The following CWH43 variants were observed in gnomAD, a reference collection of about 807,000 sequenced individuals.
CWH43 encodes cell wall biogenesis 43 C-terminal homolog.
In CWH43, 91 loss-of-function variants were observed where a neutral mutation model predicts 85.7. The observed-to-expected ratio is 1.06, with a 90% CI of 0.90 to 1.26. The LOEUF (loss-of-function observed/expected upper bound fraction) is 1.26. Ranked by LOEUF, CWH43 falls within the 50% of genes most tolerant of loss-of-function variation. The probability of loss-of-function intolerance (pLI) is 0.00; values close to 1 mark genes in which losing one functional copy is unlikely to be tolerated. For synonymous variants in CWH43, 323 were observed against 293.6 expected (o/e 1.10, Z -1.02); for missense variants, 869 against 839.2 (o/e 1.04, Z -0.44).
intron 9 of CWH43, among the ~76,000 whole-genome samples, chr4:49,028,408 C>G (rs1464395179): frequency 6.6e-6 from 1 of 152,228 alleles, no homozygotes; most frequent in African/African-American, 2.4e-5. Flanking sequence ...TTCAAACATC[C>G]CTCCTAACTT....
At chr4:49,047,991 T>TA (rs1238421674) in intron 14 of CWH43, among the ~76,000 whole-genome samples, 1 of 152,324 alleles carries the variant, frequency 6.6e-6, no homozygotes, top group African/African-American at 2.4e-5. Context: ...TCCAAAGTGT[T>TA]ACGGTAGGAG....
Position 49,030,860 on chromosome 4 carries a change from T to C in CWH43, c.1408T>C (p.Ser470Pro). The change falls in exon 11 of 16, where the codon TCT (serine) becomes CCT (proline). Residue 470 changes from serine (S) to proline (P), a missense_variant. Physicochemically the swap from Ser to Pro is moderately conservative, Grantham distance 74. Transcript: ENST00000226432. The stretch of plus-strand genomic sequence containing the variant: ...CATAACAATTTTGGAGAGTGATGCT[T>C]CTAAGCCCTATATGGGGAACAATGA... The part of the protein sequence containing the change: ...DFITILESDA[S>P]KPYMGNNDLT... 1 of 1,603,616 alleles carries C rather than the reference T, an allele frequency of 6.2e-7. No homozygotes were observed. The highest frequency in any genetic ancestry group is 8.5e-7 in the Non-Finnish European group (1 of 1,176,666).
Position 49,026,156 on chromosome 4 carries a change from C to T in CWH43, c.1267-2473C>T, listed in dbSNP as rs1783909762. Among the ~76,000 whole-genome samples the T allele has an allele frequency of 2.0e-5, 3 of 152,182 alleles. No individual in the cohort carries two copies. The South Asian group carries it at 6.2e-4, about 32-fold the overall frequency. On this transcript the variant is annotated intron_variant, in intron 9 of 15. Coordinates refer to ENST00000226432, the MANE Select transcript of CWH43 (RefSeq NM_025087.3). ...AAAGCCGGCAGCCACAGGCCTCACCCAGCTCTCATGCAACCCACAGCATGA... is the reference window on the plus strand; with the variant it reads ...AAAGCCGGCAGCCACAGGCCTCACCTAGCTCTCATGCAACCCACAGCATGA...
At chr4:48,994,435 T>C (rs747016721) in intron 4 of CWH43, among the ~76,000 whole-genome samples, 184 bp from the exon 5 acceptor site, 1 of 152,268 alleles carries the variant, frequency 6.6e-6, no homozygotes, top group African/African-American at 2.4e-5. Flanking sequence ...CATGGAATTA[T>C]GTCTCCCACT....
chr4:49,003,398 G>A (rs1783055055), intron 6 of CWH43, among the ~76,000 whole-genome samples: 1 of 151,992 alleles, frequency 6.6e-6, no homozygotes, highest in Admixed American at 6.6e-5. Context: ...TAATATTTTT[G>A]GACATATTTT....
chr4:48,998,097 G>T (rs570877867), intron 5 of CWH43, among the ~76,000 whole-genome samples: 12 of 152,052 alleles, frequency 7.9e-5, no homozygotes, highest in Non-Finnish European at 1.6e-4. Context: ...GTAGAGGAAA[G>T]AAAGAAAAAA....
At chr4:49,037,118 C>A (rs1784284980) in intron 12 of CWH43, among the ~76,000 whole-genome samples, 1 of 152,154 alleles carries the variant, frequency 6.6e-6, no homozygotes, top group Non-Finnish European at 1.5e-5. Context: ...GTTTTCCTGG[C>A]TGGATCATGT....
intron 13 of CWH43, among the ~76,000 whole-genome samples, chr4:49,039,758 A>G (rs1054524495): frequency 1.3e-5 from 2 of 151,528 alleles, no homozygotes; most frequent in African/African-American, 2.4e-5. Context: ...TTTTATTATT[A>G]TTATACTTTA....
chr4:49,060,918 G>T (rs1467814522), intron 15 of CWH43, among the ~76,000 whole-genome samples: 2 of 152,066 alleles, frequency 1.3e-5, no homozygotes, highest in African/African-American at 4.8e-5. Context: ...GTGTATATGT[G>T]TGTTTTTGTT....
In CWH43 at chr4:49,048,396, G is replaced by C. The variant is rs530194387; in HGVS notation, c.1866-2298G>C. Among the ~76,000 whole-genome samples, 7 of 150,272 alleles carry C rather than the reference G, an allele frequency of 4.7e-5. No individual in the cohort carries two copies. The East Asian group carries it at 5.9e-4, about 13-fold the overall frequency. ...ACACACACATACATGTACATATAAA[G>C]TATATATATAAAATATGATATCATA... is the stretch of plus-strand genomic sequence containing the variant. On this transcript the variant is annotated intron_variant, in intron 14 of 15. Coordinates refer to ENST00000226432, the MANE Select transcript of CWH43 (RefSeq NM_025087.3).
chr4:49,040,096 T>G lies in CWH43; in HGVS notation c.1803+1916T>G, dbSNP rs1577700112. 2.6e-5 allele frequency among the ~76,000 whole-genome samples: 4 copies of G among 152,332 alleles called. No individual in the cohort carries two copies. In the South Asian group the frequency reaches 6.2e-4, roughly 24 times the overall value. ...GAATTCATCATTTTTTATGGCTGCA[T>G]AGTATTCCATGGTGTATATGTGCCA... On this transcript the variant is annotated intron_variant, in intron 13 of 15. Coordinates refer to ENST00000226432, the MANE Select transcript of CWH43 (RefSeq NM_025087.3).
chr4:49,036,359 AT>A (rs1357620300), intron 12 of CWH43, among the ~76,000 whole-genome samples: 1 of 152,248 alleles, frequency 6.6e-6, no homozygotes, highest in Non-Finnish European at 1.5e-5. Flanking sequence ...TATTAGCCTC[AT>A]TTAAAAATAG....
chr4:49,026,754 C>T (rs1577685425), intron 9 of CWH43, among the ~76,000 whole-genome samples: 2 of 152,134 alleles, frequency 1.3e-5, no homozygotes, highest in African/African-American at 2.4e-5. Context: ...CCATGGTGTA[C>T]ATATATACTA....
intron 12 of CWH43, among the ~76,000 whole-genome samples, 185 bp downstream of exon 12, chr4:49,032,900 G>A (rs1784145013): frequency 6.6e-6 from 1 of 152,186 alleles, no homozygotes; most frequent in African/African-American, 2.4e-5. Flanking sequence ...CGTTAGTGCT[G>A]GTGTAGGGAC....
At chr4:49,007,367 A>C (rs1783193791) in intron 8 of CWH43, 41 bp downstream of exon 8, 1 of 1,481,050 alleles carries the variant, frequency 6.8e-7, no homozygotes, top group Non-Finnish European at 9.0e-7. Flanking sequence ...TTAATTATAT[A>C]AAATTCTAAA....
chr4:49,030,178 G>C (rs1324077450), intron 10 of CWH43, among the ~76,000 whole-genome samples: 1 of 152,140 alleles, frequency 6.6e-6, no homozygotes, highest in Non-Finnish European at 1.5e-5. Context: ...AGTGCTCCGG[G>C]GTGCTCATTT....
At position 49,006,236 on chromosome 4, in the gene CWH43, T is replaced by C. The variant is rs563405842; in HGVS notation, c.1061-965T>C. Reference sequence around the variant, plus strand: ...TATTCCATGCATGAGTTTGTTTCTTTAGAATTTTATGAACGATGAGTTTTT... The same window carrying C: ...TATTCCATGCATGAGTTTGTTTCTTCAGAATTTTATGAACGATGAGTTTTT... On this transcript the variant is annotated intron_variant, in intron 7 of 15. Transcript: ENST00000226432. 1.4e-3 allele frequency among the ~76,000 whole-genome samples: 207 copies of C among 152,208 alleles called. 1 individual carries two copies. Among genetic ancestry groups the C allele is most frequent in the Non-Finnish European group, 2.7e-3 (183 of 67,996 alleles).
chr4:48,999,089 C>T (rs1283955224), intron 6 of CWH43, among the ~76,000 whole-genome samples: 1 of 152,118 alleles, frequency 6.6e-6, no homozygotes, highest in Admixed American at 6.6e-5. Context: ...TCCTACCTGC[C>T]TCTGGTGGAC....
chr4:49,000,150 A>T (rs1434162496), intron 6 of CWH43, among the ~76,000 whole-genome samples: 1 of 152,158 alleles, frequency 6.6e-6, no homozygotes, highest in African/African-American at 2.4e-5. Flanking sequence ...TAAGTTGGTG[A>T]TTCAGAGTGG....
Sources: allele counts gnomAD v4.1 joint callset (sites outside exome capture counted in the v4.1 genomes callset), GRCh38; gene constraint gnomAD v4.1.1; transcripts MANE v1.5; gene names NCBI Gene and HGNC (gene_info 2026-07-23, HGNC 2026-07-21).